Variants in WWOX observed in about 807,000 individuals in gnomAD.
WWOX encodes WW domain containing oxidoreductase, also known as WW domain-containing oxidoreductase.
A neutral mutation model predicts 46.2 loss-of-function variants in WWOX; 69 were observed. The observed-to-expected ratio is 1.49, with a 90% confidence interval of 1.23 to 1.82. WWOX has a LOEUF of 1.82. Ranked by LOEUF, WWOX falls within the 40% of genes most tolerant of loss-of-function variation. The pLI is 0.00. For missense variants in WWOX, 919 were observed against 542.6 expected, an observed-to-expected ratio of 1.69 and a Z score of -6.89; for synonymous variants, 359 against 202.6, an observed-to-expected ratio of 1.77 and a Z score of -6.56.
intron 8 of WWOX, among the ~76,000 whole-genome samples, chr16:78,953,165 T>A (rs2046097331): frequency 6.6e-6 from 1 of 152,104 alleles, no homozygotes; most frequent in Non-Finnish European, 1.5e-5. Flanking sequence ...CCTGGGAAGT[T>A]CAGCCGTGGT....
intron 8 of WWOX, among the ~76,000 whole-genome samples, chr16:78,675,155 A>G (rs2047562027): frequency 6.6e-6 from 1 of 152,276 alleles, no homozygotes; most frequent in African/African-American, 2.4e-5. Flanking sequence ...GTTCATCAAA[A>G]TGGGTAGGAT....
At position 78,503,315 on chromosome 16, in the gene WWOX, C is replaced by A. The variant is rs546454043; in HGVS notation, c.1056+70563C>A. Among the ~76,000 whole-genome samples the A allele has an allele frequency of 4.6e-5, 7 of 152,238 alleles. No homozygotes were observed. In the South Asian group the frequency reaches 1.5e-3, roughly 32 times the overall value. ...AACTGAAAATAAGGTAACAGACCCT[C>A]AGGTCTACCTATAAGTACCTTCCAA... On this transcript the variant is annotated intron_variant, in intron 8 of 8. Coordinates refer to ENST00000566780, the MANE Select transcript of WWOX (RefSeq NM_016373.4).
At chr16:78,395,689 G>T (rs1450017020) in intron 6 of WWOX, among the ~76,000 whole-genome samples, 1 of 152,174 alleles carries the variant, frequency 6.6e-6, no homozygotes, top group Non-Finnish European at 1.5e-5. Flanking sequence ...TGTTACTGTA[G>T]TGATGTTCCA....
intron 8 of WWOX, among the ~76,000 whole-genome samples, chr16:78,974,641 C>A (rs900082249): frequency 6.6e-6 from 1 of 152,110 alleles, no homozygotes; most frequent in Non-Finnish European, 1.5e-5. Context: ...AAATGTCACC[C>A]GATGCAACTG....
At chr16:78,302,167 G>A (rs142809218) in intron 5 of WWOX, among the ~76,000 whole-genome samples, 2,892 of 152,074 alleles carry the variant, frequency 0.019, 101 homozygotes, top group African/African-American at 0.067. Context: ...CGCCATGTTG[G>A]CCAGGCTGGT....
At chr16:78,219,402 TA>T (rs911585345) in intron 5 of WWOX, among the ~76,000 whole-genome samples, 10 of 152,266 alleles carry the variant, frequency 6.6e-5, no homozygotes, top group Non-Finnish European at 1.3e-4. Context: ...GCAATATCTT[TA>T]AAATGTAAAA....
At chr16:79,141,635 A>T (rs115555464) in intron 8 of WWOX, among the ~76,000 whole-genome samples, 6,144 of 152,292 alleles carry the variant, frequency 0.04, 129 homozygotes, top group South Asian at 0.045. Context: ...TGGGGTGAAA[A>T]CACATGACAG....
chr16:78,318,951 G>A (rs2080410403), intron 5 of WWOX, among the ~76,000 whole-genome samples: 1 of 152,110 alleles, frequency 6.6e-6, no homozygotes. Context: ...GGAAACTATG[G>A]ATATGCTTTG....
chr16:78,869,571 C>G (rs1175732623), intron 8 of WWOX, among the ~76,000 whole-genome samples: 1 of 152,188 alleles, frequency 6.6e-6, no homozygotes, highest in African/African-American at 2.4e-5. Flanking sequence ...GATTGAAGTG[C>G]TGTGTTGAAA....
At chr16:78,917,625 C>T (rs117617715) in intron 8 of WWOX, among the ~76,000 whole-genome samples, 286 of 152,212 alleles carry the variant, frequency 1.9e-3, no homozygotes, top group Non-Finnish European at 3.3e-3. Context: ...TCTACTTGAA[C>T]TTTCCCACTC....
chr16:78,450,438 A>T (rs2083664774), intron 8 of WWOX, among the ~76,000 whole-genome samples: 1 of 150,628 alleles, frequency 6.6e-6, no homozygotes, highest in Non-Finnish European at 1.5e-5. Context: ...AATAATAAAC[A>T]GTCAGAGTGT....
intron 5 of WWOX, among the ~76,000 whole-genome samples, chr16:78,362,303 T>G (rs1193364749): frequency 6.6e-6 from 1 of 152,006 alleles, no homozygotes; most frequent in African/African-American, 2.4e-5. Context: ...GATGGGTATG[T>G]GAAGCAGGAT....
intron 8 of WWOX, among the ~76,000 whole-genome samples, chr16:79,011,165 A>G (rs2047298870): frequency 8.1e-6 from 1 of 122,740 alleles, no homozygotes; most frequent in African/African-American, 3.1e-5. Flanking sequence ...ACACACACAC[A>G]CACACACACT....
intron 5 of WWOX, among the ~76,000 whole-genome samples, chr16:78,246,744 G>A (rs1320620376): frequency 6.6e-6 from 1 of 152,200 alleles, no homozygotes; most frequent in Admixed American, 6.5e-5. Flanking sequence ...CATCAGTCAT[G>A]AGTCCGTTCT....
intron 8 of WWOX, among the ~76,000 whole-genome samples, chr16:78,690,781 C>T (rs1166337043): frequency 2.6e-5 from 4 of 152,170 alleles, no homozygotes; most frequent in Non-Finnish European, 5.9e-5. Flanking sequence ...GCCAGTGATT[C>T]TATATAAACC....
chr16:78,465,586 C>A lies in WWOX; in HGVS notation c.1056+32834C>A, dbSNP rs139949128. ...CTTTTCATTAGTAACTCACATGGAC[C>A]CATAATCTCTGAATTTAACATGCTT... is the stretch of plus-strand genomic sequence containing the variant. On this transcript the variant is annotated intron_variant, in intron 8 of 8. Transcript: ENST00000566780. 3.0e-3 allele frequency among the ~76,000 whole-genome samples: 456 copies of A among 152,248 alleles called. 1 individual carries two copies. The highest frequency in any genetic ancestry group is 6.8e-3 in the Middle Eastern group (2 of 294).
At chr16:78,458,999 G>A (rs2083890376) in intron 8 of WWOX, among the ~76,000 whole-genome samples, 1 of 152,160 alleles carries the variant, frequency 6.6e-6, no homozygotes, top group African/African-American at 2.4e-5. Flanking sequence ...AGGCTAGTTG[G>A]TCCTATTAAT....
intron 8 of WWOX, among the ~76,000 whole-genome samples, chr16:78,495,346 A>G (rs9929908): frequency 0.74 from 111,954 of 150,890 alleles, 43,900 homozygotes; most frequent in Admixed American, 0.86. Context: ...TCACCATGTT[A>G]GCCAGGCTGG....
intron 5 of WWOX, among the ~76,000 whole-genome samples, chr16:78,204,303 A>G (rs890717267): frequency 2.0e-5 from 3 of 151,960 alleles, no homozygotes; most frequent in African/African-American, 7.3e-5. Flanking sequence ...AGGTGCTTAT[A>G]TTTGTGGGGT....
Sources: gnomAD v4.1 joint callset for allele counts (sites outside exome capture counted in the v4.1 genomes callset) on GRCh38, gnomAD v4.1.1 for gene constraint, MANE v1.5 for transcripts, NCBI Gene and HGNC (gene_info 2026-07-23, HGNC 2026-07-21) for gene names.